TGM5: variants seen among roughly 807,000 people sequenced by gnomAD.
TGM5 encodes protein-glutamine gamma-glutamyltransferase 5.
A neutral mutation model predicts 77.2 loss-of-function variants in TGM5; 69 were observed. That is an observed-to-expected ratio of 0.89 (90% CI 0.74 to 1.09). The LOEUF (loss-of-function observed/expected upper bound fraction) is 1.09, where lower values mean the gene tolerates loss of function less well. Among genes scored for constraint, TGM5 ranks in the 50% least tolerant of loss-of-function variants. TGM5 has a pLI of 0.00. For synonymous variants in TGM5, 346 were observed against 351.8 expected (o/e 0.98, Z 0.18); for missense variants, 842 against 896.5 (o/e 0.94, Z 0.78).
intron 4 of TGM5, 98 bp downstream of exon 4, chr15:43,256,470 G>A (rs2042742785): frequency 1.1e-6 from 1 of 945,944 alleles, no homozygotes; most frequent in Admixed American, 1.7e-5. Flanking sequence ...CATTTAGTTA[G>A]CGTTGGTCAG....
chr15:43,264,578 C>T (rs1325635192), intron 1 of TGM5, among the ~76,000 whole-genome samples: 3 of 152,016 alleles, frequency 2.0e-5, no homozygotes, highest in Admixed American at 2.0e-4. Context: ...TTCATAGAGA[C>T]AGAAAGTAGA....
intron 9 of TGM5, among the ~76,000 whole-genome samples, chr15:43,236,085 T>C (rs552895660): frequency 1.3e-5 from 2 of 152,258 alleles, no homozygotes; most frequent in South Asian, 4.2e-4. Flanking sequence ...TCTTCTTCCA[T>C]ACACAGATAA....
chr15:43,266,709 T>C, intron 1 of TGM5, 131 bp downstream of exon 1: 1 of 1,257,168 alleles, frequency 8.0e-7, no homozygotes, highest in Non-Finnish European at 1.2e-6. Context: ...TCTGGGATTC[T>C]TGCTTTTCCT....
chr15:43,235,034 C>T, intron 10 of TGM5, 105 bp from the exon 11 acceptor site: 1 of 1,436,708 alleles, frequency 7.0e-7, no homozygotes, highest in Non-Finnish European at 9.6e-7. Flanking sequence ...TCAACAAGTA[C>T]CAAATCCCAG....
Position 43,260,413 on chromosome 15 carries a change from G to A in TGM5, c.177C>T (p.Phe59=). The A allele has an allele frequency of 2.5e-6, 4 of 1,614,214 alleles. No individual in the cohort carries two copies. Among genetic ancestry groups the A allele is most frequent in the Non-Finnish European group, 3.4e-6 (4 of 1,180,030 alleles). Residue 59 remains phenylalanine, a synonymous_variant, in exon 2 of 13, where the codon TTC becomes TTT. Transcript: ENST00000220420. ...SFQPGLDNII[F]VVETGPLPDL... ...TGGGGTTCTTACCAGTTTCAACCAC[G>A]AAGATGATGTTGTCCAGGCCTGGCT...
Position 43,235,512 on chromosome 15 carries a change from T to G in TGM5, c.1671A>C (p.Pro557=), listed in dbSNP as rs893744740. ...SLLHDGSPLS[P]FWQDTAFITL... ...TGATGAACGCTGTGTCCTGCCAGAA[T>G]GGGGACAGGGGGCTGCCATCGTGCA... Residue 557 remains proline, a synonymous_variant, in exon 10 of 13, where the codon CCA becomes CCC. Coordinates refer to ENST00000220420, the MANE Select transcript of TGM5 (RefSeq NM_201631.4). 6.2e-7 allele frequency: 1 copy of G among 1,614,040 alleles called. No individual in the cohort carries two copies. Among genetic ancestry groups the G allele is most frequent in the Non-Finnish European group, 8.5e-7 (1 of 1,180,014 alleles).
intron 3 of TGM5, among the ~76,000 whole-genome samples, chr15:43,257,527 T>G (rs1007371278): frequency 4.6e-5 from 7 of 152,174 alleles, no homozygotes; most frequent in African/African-American, 1.7e-4. Context: ...GTAATGGAGC[T>G]TACTTGAGGG....
intron 6 of TGM5, among the ~76,000 whole-genome samples, chr15:43,245,403 C>T (rs1196993465): frequency 6.6e-6 from 1 of 152,126 alleles, no homozygotes; most frequent in Non-Finnish European, 1.5e-5. Context: ...TGCCTTTAAT[C>T]GTCCCTTATA....
chr15:43,245,895 G>A (rs986333848), intron 6 of TGM5, among the ~76,000 whole-genome samples: 1 of 137,784 alleles, frequency 7.3e-6, no homozygotes, highest in Non-Finnish European at 1.6e-5. Flanking sequence ...CTGTGTGTGT[G>A]TGTTGGGGGG....
At position 43,239,157 on chromosome 15, in the gene TGM5, C is replaced by A. The variant is rs2042614853; in HGVS notation, c.1105+6G>T. On this transcript the variant is annotated splice_donor_region_variant and intron_variant, in intron 8 of 12. Transcript: ENST00000220420. ...CGGGGCCTGCCTTTCTTCTGGAGAG[C>A]CTCACCGTTGCTCATCTCCTGAGGT... The A allele has an allele frequency of 1.2e-6, 2 of 1,613,958 alleles. No individual in the cohort carries two copies. Among genetic ancestry groups the A allele is most frequent in the African/African-American group, 1.3e-5 (1 of 74,872 alleles).
At chr15:43,237,160 C>G (rs1412979329) in intron 9 of TGM5, among the ~76,000 whole-genome samples, 1 of 152,124 alleles carries the variant, frequency 6.6e-6, no homozygotes, top group African/African-American at 2.4e-5. Context: ...CCACAGGGGA[C>G]CCCGTGGGCC....
chr15:43,262,005 A>C (rs950196493), intron 1 of TGM5, among the ~76,000 whole-genome samples: 1 of 152,008 alleles, frequency 6.6e-6, no homozygotes, highest in Non-Finnish European at 1.5e-5. Context: ...TTGCATTCTC[A>C]CTTCTCATCA....
At chr15:43,246,453 A>T (rs1230066586) in intron 6 of TGM5, among the ~76,000 whole-genome samples, 1 of 152,242 alleles carries the variant, frequency 6.6e-6, no homozygotes, top group Non-Finnish European at 1.5e-5. Flanking sequence ...CCTTGATATT[A>T]TGTGAGCAGG....
intron 7 of TGM5, among the ~76,000 whole-genome samples, 161 bp downstream of exon 7, chr15:43,240,691 T>G (rs1231794838): frequency 7.1e-5 from 2 of 28,090 alleles, no homozygotes; most frequent in Admixed American, 5.5e-4. Flanking sequence ...GCAAGAGGTG[T>G]GGGGACAGCC....
intron 9 of TGM5, among the ~76,000 whole-genome samples, chr15:43,237,260 C>G (rs2042597053): frequency 6.6e-6 from 1 of 152,202 alleles, no homozygotes; most frequent in African/African-American, 2.4e-5. Flanking sequence ...AATTGCAGCC[C>G]CTGCAACTCT....
intron 4 of TGM5, among the ~76,000 whole-genome samples, chr15:43,253,937 C>G (rs927165495): frequency 1.9e-4 from 28 of 151,176 alleles, no homozygotes; most frequent in Admixed American, 1.1e-3. Flanking sequence ...AAAGGCTCCT[C>G]CTCTCCTCTC....
chr15:43,234,660 A>T (rs1267026858), intron 11 of TGM5, 109 bp downstream of exon 11: 1 of 1,377,676 alleles, frequency 7.3e-7, no homozygotes, highest in African/African-American at 1.4e-5. Context: ...AGGCAAAGGA[A>T]GGAGGGGATG....
chr15:43,259,678 CT>C (rs905692621), intron 3 of TGM5, among the ~76,000 whole-genome samples: 6 of 152,176 alleles, frequency 3.9e-5, no homozygotes, highest in Non-Finnish European at 8.8e-5. Flanking sequence ...ACACTTTTCT[CT>C]TTCTTTTTTT....
At chr15:43,266,706 T>C in intron 1 of TGM5, 134 bp downstream of exon 1, 1 of 1,194,996 alleles carries the variant, frequency 8.4e-7, no homozygotes, top group South Asian at 1.2e-5. Flanking sequence ...GTTTCTGGGA[T>C]TCTTGCTTTT....
Sources: allele counts gnomAD v4.1 joint callset (sites outside exome capture counted in the v4.1 genomes callset), GRCh38; gene constraint gnomAD v4.1.1; transcripts MANE v1.5; gene names NCBI Gene and HGNC (gene_info 2026-07-23, HGNC 2026-07-21).